KCNH1: variants seen among roughly 807,000 people sequenced by gnomAD.
KCNH1 encodes voltage-gated delayed rectifier potassium channel KCNH1.
A neutral mutation model predicts 69.2 loss-of-function variants in KCNH1; 27 were observed. The ratio of observed to expected loss-of-function variants is 0.39; its 90% confidence interval spans 0.29 to 0.54. KCNH1 has a LOEUF of 0.54. KCNH1 is among the 20% of genes least tolerant of loss of function. KCNH1 has a pLI of 0.68. For missense variants in KCNH1, 798 were observed against 1,261.6 expected (o/e 0.63, Z 5.57); for synonymous variants, 456 against 487.7 (o/e 0.93, Z 0.86).
At chr1:210,838,166 T>C (rs1407132716) in intron 7 of KCNH1, among the ~76,000 whole-genome samples, 2 of 152,082 alleles carry the variant, frequency 1.3e-5, no homozygotes, top group African/African-American at 4.8e-5. Context: ...TAGAATAGAA[T>C]AGAGAACCCA....
At chr1:210,704,211 G>C (rs967700553) in intron 10 of KCNH1, among the ~76,000 whole-genome samples, 10 of 152,088 alleles carry the variant, frequency 6.6e-5, no homozygotes, top group African/African-American at 2.4e-4. Context: ...GGAAGGGAGG[G>C]GGCTGAGGAG....
chr1:211,072,303 CT>C (rs370197866), intron 5 of KCNH1, among the ~76,000 whole-genome samples: 97 of 152,212 alleles, frequency 6.4e-4, no homozygotes, highest in Middle Eastern at 3.4e-3. Context: ...AATAGACTTT[CT>C]CAGACAAAAA....
intron 10 of KCNH1, among the ~76,000 whole-genome samples, chr1:210,688,258 A>G (rs191168443): frequency 1.7e-4 from 26 of 152,302 alleles, no homozygotes; most frequent in Non-Finnish European, 3.2e-4. Context: ...TGCTCTCTGT[A>G]TTTGTGTATA....
chr1:210,931,378 G>A (rs541249573), intron 6 of KCNH1, among the ~76,000 whole-genome samples: 2 of 152,266 alleles, frequency 1.3e-5, no homozygotes, highest in Non-Finnish European at 2.9e-5. Flanking sequence ...AACCTGGATG[G>A]AATTGGAGAC....
chr1:211,080,443 T>C (rs1690830374), intron 5 of KCNH1, among the ~76,000 whole-genome samples: 1 of 152,218 alleles, frequency 6.6e-6, no homozygotes, highest in African/African-American at 2.4e-5. Context: ...ACCAATGACT[T>C]TCTTCACAGA....
intron 7 of KCNH1, among the ~76,000 whole-genome samples, chr1:210,883,213 C>T (rs576902797): frequency 6.6e-6 from 1 of 152,322 alleles, no homozygotes; most frequent in South Asian, 2.1e-4. Context: ...GTGGAAAGCT[C>T]AGCACCTTAG....
At chr1:210,955,269 T>C (rs1688148204) in intron 6 of KCNH1, among the ~76,000 whole-genome samples, 1 of 152,232 alleles carries the variant, frequency 6.6e-6, no homozygotes, top group Non-Finnish European at 1.5e-5. Context: ...GTATATCTGC[T>C]TTGGTACCAG....
chr1:211,050,989 TTTG>T (rs6143600), intron 5 of KCNH1, among the ~76,000 whole-genome samples: 31,656 of 150,396 alleles, frequency 0.21, 3,546 homozygotes, highest in Non-Finnish European at 0.25. Flanking sequence ...ATATTTTTGT[TTTG>T]TTGTTGTTGT....
intron 5 of KCNH1, among the ~76,000 whole-genome samples, chr1:211,024,754 T>A (rs1294411493): frequency 6.6e-6 from 1 of 151,774 alleles, no homozygotes; most frequent in Non-Finnish European, 1.5e-5. Flanking sequence ...ATTTTGTACA[T>A]ATTAATATTT....
chr1:210,778,701 G>A (rs374584430), intron 9 of KCNH1, among the ~76,000 whole-genome samples: 1 of 152,182 alleles, frequency 6.6e-6, no homozygotes, highest in African/African-American at 2.4e-5. Flanking sequence ...AGTGTCTTGA[G>A]TATCTGTGAG....
At chr1:210,699,837 C>T (rs776127259) in intron 10 of KCNH1, among the ~76,000 whole-genome samples, 14 of 152,172 alleles carry the variant, frequency 9.2e-5, no homozygotes, top group Non-Finnish European at 2.9e-5. Flanking sequence ...CGCTGAGGCA[C>T]CAAGGTGTTT....
chr1:210,766,068 AG>A (rs1683624704), intron 10 of KCNH1, among the ~76,000 whole-genome samples: 1 of 151,300 alleles, frequency 6.6e-6, no homozygotes, highest in African/African-American at 2.5e-5. Flanking sequence ...GTCTCAAAAA[AG>A]AAGAAGAAAA....
At chr1:211,090,440 T>A (rs1691032328) in intron 4 of KCNH1, 122 bp downstream of exon 4, 1 of 834,928 alleles carries the variant, frequency 1.2e-6, no homozygotes, top group Non-Finnish European at 1.8e-6. Context: ...TCTATACAAA[T>A]TAAAGTTAGA....
At chr1:210,821,799 C>T (rs1684934060) in intron 7 of KCNH1, among the ~76,000 whole-genome samples, 1 of 146,162 alleles carries the variant, frequency 6.8e-6, no homozygotes, top group Non-Finnish European at 1.5e-5. Flanking sequence ...AGATTAACTC[C>T]AGCTATTTAT....
Position 211,018,804 on chromosome 1 carries a change from T to C in KCNH1, c.1011A>G (p.Pro337=). ...GTACCTGACTCTCTCTCCCCTCCAG[T>C]GGTGGTGGAATCTGATCAGCAAAAC... The part of the protein sequence containing the change: ...KIGFADQIPP[P]LEGRESQGIS... The change falls in exon 6 of 11, where the codon CCA becomes CCG. Residue 337 remains proline, a synonymous_variant. Transcript: ENST00000271751. 1.2e-6 allele frequency: 2 copies of C among 1,610,404 alleles called. No homozygotes were observed. Among genetic ancestry groups the C allele is most frequent in the Non-Finnish European group, 1.7e-6 (2 of 1,177,932 alleles).
At chr1:210,874,842 A>G (rs1334539522) in intron 7 of KCNH1, among the ~76,000 whole-genome samples, 1 of 152,218 alleles carries the variant, frequency 6.6e-6, no homozygotes, top group Non-Finnish European at 1.5e-5. Context: ...TACCCCTAAC[A>G]TATACACATA....
chr1:210,716,034 A>G (rs1206431390), intron 10 of KCNH1, among the ~76,000 whole-genome samples: 1 of 152,146 alleles, frequency 6.6e-6, no homozygotes, highest in Non-Finnish European at 1.5e-5. Flanking sequence ...TTTATGTATC[A>G]CATTCCCTTC....
intron 6 of KCNH1, among the ~76,000 whole-genome samples, chr1:210,927,838 C>A (rs1271058783): frequency 2.6e-5 from 4 of 152,004 alleles, no homozygotes; most frequent in African/African-American, 7.2e-5. Flanking sequence ...CAGGGCCTCA[C>A]ATAAACTTAA....
intron 5 of KCNH1, among the ~76,000 whole-genome samples, chr1:211,030,967 A>G (rs1399116228): frequency 6.6e-6 from 1 of 152,186 alleles, no homozygotes; most frequent in East Asian, 1.9e-4. Flanking sequence ...GATACAGATA[A>G]CCAATAAGCA....
Sources: gnomAD v4.1 joint callset for allele counts (sites outside exome capture counted in the v4.1 genomes callset) on GRCh38, gnomAD v4.1.1 for gene constraint, MANE v1.5 for transcripts, NCBI Gene and HGNC (gene_info 2026-07-23, HGNC 2026-07-21) for gene names.